The following CACNG5 variants were observed in gnomAD, a reference collection of about 807,000 sequenced individuals.
CACNG5 encodes calcium voltage-gated channel auxiliary subunit gamma 5.
CACNG5 carries 18 observed loss-of-function variants against 24.8 expected under a neutral mutation model. That is an observed-to-expected ratio of 0.73 (90% confidence interval 0.50 to 1.08). The LOEUF (loss-of-function observed/expected upper bound fraction) is 1.08, where lower values mean the gene tolerates loss of function less well. Ranked by LOEUF, CACNG5 falls within the 50% of genes least tolerant of loss-of-function variation. CACNG5 has a pLI of 0.00. For missense variants in CACNG5, 349 were observed against 367.9 expected, an observed-to-expected ratio of 0.95 and a Z score of 0.42; for synonymous variants, 157 against 149.1, an observed-to-expected ratio of 1.05 and a Z score of -0.39.
At chr17:66,841,765 G>A (rs75082591) in intron 1 of CACNG5, among the ~76,000 whole-genome samples, 7,374 of 152,276 alleles carry the variant, frequency 0.048, 243 homozygotes, top group African/African-American at 0.097. Context: ...GTAAAAGGAC[G>A]GGGTGGGAGA....
intron 1 of CACNG5, among the ~76,000 whole-genome samples, chr17:66,850,743 T>C (rs931358474): frequency 6.6e-6 from 1 of 152,092 alleles, no homozygotes; most frequent in African/African-American, 2.4e-5. Flanking sequence ...GTTAGAGCTT[T>C]CCAATACCAC....
At chr17:66,851,318 CA>C (rs2143047710) in intron 1 of CACNG5, among the ~76,000 whole-genome samples, 1 of 152,304 alleles carries the variant, frequency 6.6e-6, no homozygotes, top group South Asian at 2.1e-4. Context: ...GAATCAAATC[CA>C]AAACCACTTT....
intron 1 of CACNG5, among the ~76,000 whole-genome samples, chr17:66,854,162 G>A (rs1416437901): frequency 3.3e-5 from 5 of 152,198 alleles, no homozygotes; most frequent in Non-Finnish European, 5.9e-5. Context: ...GGGTGCGGTG[G>A]CTCACGCCTG....
chr17:66,842,196 A>T (rs180947655), intron 1 of CACNG5, among the ~76,000 whole-genome samples: 2 of 150,800 alleles, frequency 1.3e-5, no homozygotes, highest in African/African-American at 5.0e-5. Flanking sequence ...GGAGTGGCTT[A>T]TCAGCCTCTA....
intron 1 of CACNG5, among the ~76,000 whole-genome samples, chr17:66,856,535 GC>G (rs1018181471): frequency 8.3e-6 from 1 of 121,072 alleles, no homozygotes; most frequent in Admixed American, 9.8e-5. Flanking sequence ...CCCTCGTGTT[GC>G]CCCCCCGCCT....
At chr17:66,863,636 G>A (rs143544593) in intron 1 of CACNG5, among the ~76,000 whole-genome samples, 2 of 152,104 alleles carry the variant, frequency 1.3e-5, no homozygotes, top group East Asian at 3.9e-4. Flanking sequence ...CAAAGTGCTG[G>A]GATTACAGGC....
intron 5 of CACNG5, 66 bp from the exon 6 acceptor site, chr17:66,884,917 C>A (rs142528507): frequency 6.2e-7 from 1 of 1,613,940 alleles, no homozygotes; most frequent in Non-Finnish European, 8.5e-7. Flanking sequence ...CCTGTGCAGA[C>A]CCCAGCCAAG....
chr17:66,850,056 A>G (rs1976693201), intron 1 of CACNG5, among the ~76,000 whole-genome samples: 1 of 152,252 alleles, frequency 6.6e-6, no homozygotes, highest in Non-Finnish European at 1.5e-5. Flanking sequence ...TCAGCAGATC[A>G]CAAAGGGGTC....
intron 4 of CACNG5, among the ~76,000 whole-genome samples, chr17:66,883,680 C>T (rs966686180): frequency 6.6e-6 from 1 of 152,196 alleles, no homozygotes; most frequent in Non-Finnish European, 1.5e-5. Flanking sequence ...AGACAGGCCA[C>T]ACCTTGTGGT....
At chr17:66,852,782 C>A (rs1370720803) in intron 1 of CACNG5, among the ~76,000 whole-genome samples, 1 of 152,110 alleles carries the variant, frequency 6.6e-6, no homozygotes, top group Non-Finnish European at 1.5e-5. Flanking sequence ...GGAAATCATA[C>A]AATATGTAGT....
rs1977253986 is a variant in CACNG5, at chr17:66,885,992, G to A, written c.*752G>A. On this transcript the variant is annotated 3_prime_UTR_variant, in exon 6 of 6. Transcript: ENST00000533854. ...GACATCCTAATATGTATGGCCCTTT[G>A]ATAACATATTTTACAGGAGCCTTTT... Among the ~76,000 whole-genome samples, 1 of 152,224 alleles carries A rather than the reference G, an allele frequency of 6.6e-6. No homozygotes were observed. Among genetic ancestry groups the A allele is most frequent in the Non-Finnish European group, 1.5e-5 (1 of 68,036 alleles).
intron 1 of CACNG5, among the ~76,000 whole-genome samples, chr17:66,859,657 G>C (rs1169094392): frequency 6.6e-6 from 1 of 152,070 alleles, no homozygotes; most frequent in Non-Finnish European, 1.5e-5. Flanking sequence ...CCCTCCCCAG[G>C]CTTCTCCAAT....
rs1351891539 is a variant in CACNG5 at position 66,891,465 on chromosome 17, T to C, written c.*6225T>C. 6.6e-6 allele frequency among the ~76,000 whole-genome samples: 1 copy of C among 152,282 alleles called. No individual in the cohort carries two copies. The highest frequency in any genetic ancestry group is 1.5e-5 in the Non-Finnish European group (1 of 68,016). On this transcript the variant is annotated 3_prime_UTR_variant, in exon 6 of 6. Transcript: ENST00000533854. ...GTCATTTCAAAGGCTTCCCTGCTCA[T>C]TGGTGTGGCAATTGCATCCACTGAG...
intron 1 of CACNG5, among the ~76,000 whole-genome samples, chr17:66,850,873 G>A (rs144735537): frequency 1.7e-4 from 26 of 152,316 alleles, no homozygotes; most frequent in Non-Finnish European, 3.5e-4. Context: ...ACTTATAAGA[G>A]AGAAGGAAAT....
At chr17:66,855,385 C>T (rs758253914) in intron 1 of CACNG5, among the ~76,000 whole-genome samples, 43 of 152,344 alleles carry the variant, frequency 2.8e-4, no homozygotes, top group Non-Finnish European at 4.6e-4. Flanking sequence ...GTCTCTGGGC[C>T]GCACCACCAT....
At position 66,894,170 on chromosome 17, in the gene CACNG5, C is replaced by T. The variant is rs1354162518; in HGVS notation, c.*8930C>T. On this transcript the variant is annotated 3_prime_UTR_variant, in exon 6 of 6. Transcript: ENST00000533854. ...GGAACCCATCAATTGCACCTCCTCACTCATGTCCTTCCAGGTGTGGGGACT... is the reference window on the plus strand; with the variant it reads ...GGAACCCATCAATTGCACCTCCTCATTCATGTCCTTCCAGGTGTGGGGACT... 6.6e-6 allele frequency among the ~76,000 whole-genome samples: 1 copy of T among 152,192 alleles called. No homozygotes were observed. Among genetic ancestry groups the T allele is most frequent in the Non-Finnish European group, 1.5e-5 (1 of 68,038 alleles).
In CACNG5 at chr17:66,886,817, C is replaced by T. The variant is rs183656127; in HGVS notation, c.*1577C>T. On this transcript the variant is annotated 3_prime_UTR_variant, in exon 6 of 6. Transcript: ENST00000533854. Reference sequence around the variant, plus strand: ...TGAATTTTCCTACAGTTCTGGGTACCGGAGTCCAAGATCACGGTGTTGGCA... The same window carrying T: ...TGAATTTTCCTACAGTTCTGGGTACTGGAGTCCAAGATCACGGTGTTGGCA... 1.3e-5 allele frequency among the ~76,000 whole-genome samples: 2 copies of T among 152,252 alleles called. No homozygotes were observed. Among genetic ancestry groups the T allele is most frequent in the East Asian group, 3.9e-4 (2 of 5,174 alleles).
chr17:66,862,596 A>G (rs1976879551), intron 1 of CACNG5, among the ~76,000 whole-genome samples: 2 of 152,122 alleles, frequency 1.3e-5, no homozygotes, highest in Admixed American at 6.5e-5. Context: ...ACTTCGTCAT[A>G]TGTAATAGTT....
At chr17:66,838,644 T>G (rs1027994542) in intron 1 of CACNG5, among the ~76,000 whole-genome samples, 1 of 152,140 alleles carries the variant, frequency 6.6e-6, no homozygotes, top group Non-Finnish European at 1.5e-5. Flanking sequence ...GTATGACCTA[T>G]TGGCCATGAG....
Sources: gnomAD v4.1 joint callset for allele counts (sites outside exome capture counted in the v4.1 genomes callset) on GRCh38, gnomAD v4.1.1 for gene constraint, MANE v1.5 for transcripts, NCBI Gene and HGNC (gene_info 2026-07-23, HGNC 2026-07-21) for gene names.